NALF1: variants seen among roughly 807,000 people sequenced by gnomAD.
NALF1 encodes family with sequence similarity 155 member A.
NALF1 carries 3 observed loss-of-function variants against 48.4 expected under a neutral mutation model. That is an observed-to-expected ratio of 0.06 (90% CI 0.03 to 0.16). The LOEUF (loss-of-function observed/expected upper bound fraction) is 0.16, where lower values mean the gene tolerates loss of function less well. NALF1 is among the 10% of genes least tolerant of loss of function. The pLI is 1.00. For synonymous variants in NALF1, 262 were observed against 245.7 expected (o/e 1.07, Z -0.62); for missense variants, 526 against 571.5 (o/e 0.92, Z 0.81).
chr13:107,314,584 C>T (rs1882108653), intron 1 of NALF1, among the ~76,000 whole-genome samples: 1 of 152,166 alleles, frequency 6.6e-6, no homozygotes, highest in Non-Finnish European at 1.5e-5. Flanking sequence ...GACTCTTCCT[C>T]TGCAAGATTC....
At chr13:107,810,902 C>A (rs1229772779) in intron 1 of NALF1, among the ~76,000 whole-genome samples, 1 of 152,170 alleles carries the variant, frequency 6.6e-6, no homozygotes, top group Non-Finnish European at 1.5e-5. Flanking sequence ...ATTCTGTCCT[C>A]TTCTCTAGAA....
intron 1 of NALF1, among the ~76,000 whole-genome samples, chr13:107,324,703 G>C (rs1345079511): frequency 6.6e-6 from 1 of 152,120 alleles, no homozygotes; most frequent in Non-Finnish European, 1.5e-5. Context: ...AGATATACTT[G>C]TAAACTCATG....
chr13:107,533,467 G>A (rs956121474), intron 1 of NALF1, among the ~76,000 whole-genome samples: 1 of 152,108 alleles, frequency 6.6e-6, no homozygotes, highest in Non-Finnish European at 1.5e-5. Context: ...CCCCTACAGA[G>A]GAGGCAGCCC....
chr13:107,691,322 G>C (rs962323701), intron 1 of NALF1, among the ~76,000 whole-genome samples: 1 of 152,196 alleles, frequency 6.6e-6, no homozygotes, highest in African/African-American at 2.4e-5. Context: ...CCAGAGCCAT[G>C]AGACAATACA....
chr13:107,471,906 T>C (rs1342725296), intron 1 of NALF1, among the ~76,000 whole-genome samples: 3 of 152,256 alleles, frequency 2.0e-5, no homozygotes, highest in Non-Finnish European at 4.4e-5. Context: ...AATATGTTTT[T>C]GTCTCTCCAA....
chr13:107,183,190 C>A (rs1009830688), intron 2 of NALF1, among the ~76,000 whole-genome samples: 1 of 152,168 alleles, frequency 6.6e-6, no homozygotes, highest in East Asian at 1.9e-4. Context: ...GTCCCAGCGA[C>A]ACACCCCTGG....
At chr13:107,788,514 T>A (rs1878138061) in intron 1 of NALF1, 1 of 152,240 alleles carries the variant, frequency 6.6e-6, no homozygotes, top group Non-Finnish European at 1.5e-5. Flanking sequence ...ATGGCCAATC[T>A]CTAGTTGAAA....
At chr13:107,285,316 C>T (rs1030752894) in intron 1 of NALF1, among the ~76,000 whole-genome samples, 1 of 152,224 alleles carries the variant, frequency 6.6e-6, no homozygotes, top group East Asian at 1.9e-4. Context: ...GTGGTTATTC[C>T]CATACAACTT....
intron 1 of NALF1, among the ~76,000 whole-genome samples, chr13:107,515,758 CA>C (rs1306718509): frequency 6.6e-6 from 1 of 152,184 alleles, no homozygotes; most frequent in African/African-American, 2.4e-5. Flanking sequence ...GCTCCTCTGT[CA>C]GCCTCATTTG....
chr13:107,269,166 T>TAAA (rs200045635), intron 1 of NALF1, among the ~76,000 whole-genome samples: 1 of 143,234 alleles, frequency 7.0e-6, no homozygotes, highest in Non-Finnish European at 1.5e-5. Flanking sequence ...TGTCTATGTT[T>TAAA]AAAAAAAAAA....
rs979383749 is a variant in NALF1 at position 107,169,224 on chromosome 13, T to A, written c.*1273A>T. ...AAAAATGGCTGACCTATTTATTTTT[T>A]AAAAAAGAAGTTGTTCCTCTGTGAT... On this transcript the variant is annotated 3_prime_UTR_variant, in exon 3 of 3. Coordinates refer to ENST00000375915, the MANE Select transcript of NALF1 (RefSeq NM_001080396.3). 2 of 152,332 alleles carry A rather than the reference T, an allele frequency of 1.3e-5. No individual in the cohort carries two copies. The highest frequency in any genetic ancestry group is 1.9e-4 in the East Asian group (1 of 5,204). 9.4% of individuals were successfully genotyped at this position (152,332 alleles called of 1,614,324 possible).
chr13:107,518,237 G>C (rs1876125920), intron 1 of NALF1, among the ~76,000 whole-genome samples: 1 of 152,118 alleles, frequency 6.6e-6, no homozygotes, highest in Non-Finnish European at 1.5e-5. Context: ...AAAGAGGACA[G>C]AATAGATAAG....
At chr13:107,664,011 C>T (rs1483507225) in intron 1 of NALF1, among the ~76,000 whole-genome samples, 1 of 152,174 alleles carries the variant, frequency 6.6e-6, no homozygotes, top group Non-Finnish European at 1.5e-5. Flanking sequence ...ATACCTCTAG[C>T]TCAGAAATCT....
chr13:107,734,130 T>C (rs1876393795), intron 1 of NALF1, among the ~76,000 whole-genome samples: 1 of 152,034 alleles, frequency 6.6e-6, no homozygotes, highest in South Asian at 2.1e-4. Context: ...TCACCAAGAA[T>C]AGGAATTTTT....
intron 1 of NALF1, among the ~76,000 whole-genome samples, chr13:107,564,682 C>T (rs1467450898): frequency 6.6e-6 from 1 of 152,146 alleles, no homozygotes; most frequent in Non-Finnish European, 1.5e-5. Flanking sequence ...CATACACCTT[C>T]CTCCCTCTGT....
chr13:107,396,086 T>C (rs1883706727), intron 1 of NALF1, among the ~76,000 whole-genome samples: 1 of 152,168 alleles, frequency 6.6e-6, no homozygotes, highest in South Asian at 2.1e-4. Context: ...GCAAGGTCCA[T>C]GTCTGGTACG....
Position 107,866,730 on chromosome 13 carries a change from T to C in NALF1, c.-134A>G. 1.5e-6 allele frequency: 1 copy of C among 660,660 alleles called. No individual in the cohort carries two copies. Among genetic ancestry groups the C allele is most frequent in the Admixed American group, 2.9e-5 (1 of 34,726 alleles). 40.9% of individuals were successfully genotyped at this position (660,660 alleles called of 1,614,324 possible). The stretch of plus-strand genomic sequence containing the variant: ...GTTTCTTCTCTCTCCTCTCTCTCTT[T>C]CTCTCTCTTCCCCTCTCCCTCTCTC... On this transcript the variant is annotated 5_prime_UTR_variant, in exon 1 of 3. Transcript: ENST00000375915. The surrounding 1 kb of genome is among the most constrained non-coding windows in gnomAD (Gnocchi z 4.4).
intron 1 of NALF1, among the ~76,000 whole-genome samples, chr13:107,539,767 G>T (rs189160972): frequency 1.2e-4 from 19 of 152,122 alleles, no homozygotes; most frequent in African/African-American, 4.6e-4. Context: ...TGACTTATAT[G>T]TTTACACTTG....
rs1416483347 is a variant in NALF1 at position 107,170,042 on chromosome 13, G to A, written c.*455C>T. ...TTTTTTGCTATACCATGAGGTCATA[G>A]CAATCATTCCTCTAATAGAAGCTGA... is the stretch of plus-strand genomic sequence containing the variant. On this transcript the variant is annotated 3_prime_UTR_variant, in exon 3 of 3. Transcript: ENST00000375915. 1 of 152,194 alleles carries A rather than the reference G, an allele frequency of 6.6e-6. No homozygotes were observed. Among genetic ancestry groups the A allele is most frequent in the East Asian group, 2.0e-4 (1 of 5,128 alleles). 9.4% of individuals were successfully genotyped at this position (152,194 alleles called of 1,614,324 possible).
Sources: gnomAD v4.1 joint callset for allele counts (sites outside exome capture counted in the v4.1 genomes callset) on GRCh38, gnomAD v4.1.1 for gene constraint, Gnocchi (gnomAD v3.1) non-coding constraint, MANE v1.5 for transcripts, NCBI Gene and HGNC (gene_info 2026-07-23, HGNC 2026-07-21) for gene names.